Variants in PLPP4 observed in about 807,000 individuals in gnomAD.
The protein encoded by PLPP4 is diacylglycerol pyrophosphate like 2.
PLPP4 carries 20 observed loss-of-function variants against 32.2 expected under a neutral mutation model. The ratio of observed to expected loss-of-function variants is 0.62; its 90% confidence interval spans 0.44 to 0.90. The LOEUF is 0.90. Ranked by LOEUF, PLPP4 falls within the 40% of genes least tolerant of loss-of-function variation. The pLI, the probability that PLPP4 is intolerant of heterozygous loss-of-function variation, is 0.00. For synonymous variants in PLPP4, 127 were observed against 133.0 expected (o/e 0.95, Z 0.31); for missense variants, 257 against 353.1 (o/e 0.73, Z 2.18).
At chr10:120,463,182 A>G (rs1248683062) in intron 1 of PLPP4, among the ~76,000 whole-genome samples, 2 of 151,942 alleles carry the variant, frequency 1.3e-5, no homozygotes, top group East Asian at 3.9e-4. Context: ...GCCCGCCACC[A>G]CGCCTGGCTA....
intron 6 of PLPP4, among the ~76,000 whole-genome samples, chr10:120,577,308 G>C (rs1262386031): frequency 6.6e-6 from 1 of 152,158 alleles, no homozygotes; most frequent in Non-Finnish European, 1.5e-5. Context: ...CTTTATCTTG[G>C]AGTCAATAAG....
At chr10:120,578,549 C>T (rs374086051) in intron 6 of PLPP4, among the ~76,000 whole-genome samples, 32 of 152,176 alleles carry the variant, frequency 2.1e-4, no homozygotes, top group Non-Finnish European at 3.4e-4. Flanking sequence ...TCCAATTACT[C>T]GATTACACAT....
At chr10:120,479,750 A>G (rs757595097) in intron 1 of PLPP4, among the ~76,000 whole-genome samples, 1 of 152,240 alleles carries the variant, frequency 6.6e-6, no homozygotes, top group Non-Finnish European at 1.5e-5. Flanking sequence ...TTCATTCTAA[A>G]ACAAATGCTG....
At chr10:120,458,428 G>A (rs961059052) in intron 1 of PLPP4, among the ~76,000 whole-genome samples, 3 of 152,164 alleles carry the variant, frequency 2.0e-5, no homozygotes, top group South Asian at 4.1e-4. Flanking sequence ...CAAACAGGAG[G>A]CCCTCTTTGA....
At chr10:120,502,971 C>T (rs898887767) in intron 1 of PLPP4, among the ~76,000 whole-genome samples, 6 of 152,182 alleles carry the variant, frequency 3.9e-5, no homozygotes, top group Non-Finnish European at 8.8e-5. Flanking sequence ...TTCAGCCACT[C>T]CTGCCCACAG....
At chr10:120,516,815 C>A (rs1298584430) in intron 3 of PLPP4, among the ~76,000 whole-genome samples, 2 of 152,184 alleles carry the variant, frequency 1.3e-5, no homozygotes, top group East Asian at 1.9e-4. Flanking sequence ...CCAGCACAGC[C>A]TTCTCTGGTA....
In PLPP4 at chr10:120,519,030, T is replaced by C. The variant is rs141427220; in HGVS notation, c.320+134T>C. 5 of 541,824 alleles carry C rather than the reference T, an allele frequency of 9.2e-6. No homozygotes were observed. The Admixed American group carries it at 1.6e-4, about 18-fold the overall frequency. The allele number at this position is 541,824 out of a possible 1,614,324, so 33.6% of individuals were successfully genotyped here. On this transcript the variant is annotated intron_variant, in intron 4 of 6. Transcript: ENST00000398250. ...CCTTAAATTGTTGTCCTTCTGAGATTTCCATCCTTAGCACAGATCTTTCCT... is the reference window on the plus strand; with the variant it reads ...CCTTAAATTGTTGTCCTTCTGAGATCTCCATCCTTAGCACAGATCTTTCCT...
intron 6 of PLPP4, among the ~76,000 whole-genome samples, chr10:120,585,662 G>C (rs1357332395): frequency 6.6e-6 from 1 of 152,222 alleles, no homozygotes; most frequent in African/African-American, 2.4e-5. Context: ...GAGAGGCAAA[G>C]CAACTTGCCC....
At chr10:120,573,681 C>T (rs34203070) in intron 5 of PLPP4, among the ~76,000 whole-genome samples, 17,555 of 152,168 alleles carry the variant, frequency 0.12, 1,704 homozygotes, top group African/African-American at 0.25. Flanking sequence ...ATTTCCCTTA[C>T]ATTTTATATT....
At chr10:120,483,092 T>C (rs1257670893) in intron 1 of PLPP4, among the ~76,000 whole-genome samples, 1 of 152,198 alleles carries the variant, frequency 6.6e-6, no homozygotes, top group East Asian at 1.9e-4. Flanking sequence ...TCAGCCTTCA[T>C]CTTTCTCCCA....
At chr10:120,489,913 A>G (rs1844635218) in intron 1 of PLPP4, among the ~76,000 whole-genome samples, 1 of 152,170 alleles carries the variant, frequency 6.6e-6, no homozygotes, top group Non-Finnish European at 1.5e-5. Flanking sequence ...TTCAACAAAT[A>G]TTTATTGAGC....
chr10:120,457,959 G>T (rs1571103), intron 1 of PLPP4, among the ~76,000 whole-genome samples: 1 of 152,108 alleles, frequency 6.6e-6, no homozygotes, highest in East Asian at 1.9e-4. Context: ...CTCTGTGCCC[G>T]GTCGATGTCC....
chr10:120,542,714 C>T (rs376196620), intron 5 of PLPP4, among the ~76,000 whole-genome samples: 56 of 152,272 alleles, frequency 3.7e-4, no homozygotes, highest in African/African-American at 1.3e-3. Flanking sequence ...ATTCCGCAGG[C>T]GCTGCTGAGT....
At chr10:120,475,816 G>A (rs116922456) in intron 1 of PLPP4, among the ~76,000 whole-genome samples, 2,163 of 152,300 alleles carry the variant, frequency 0.014, 29 homozygotes, top group Non-Finnish European at 0.022. Context: ...ATGTCACAAT[G>A]GGAATAGCTG....
intron 5 of PLPP4, among the ~76,000 whole-genome samples, chr10:120,574,833 C>T (rs1849138272): frequency 6.6e-6 from 1 of 152,234 alleles, no homozygotes; most frequent in African/African-American, 2.4e-5. Flanking sequence ...TCTTTTTATT[C>T]CCCACATCTA....
intron 5 of PLPP4, among the ~76,000 whole-genome samples, chr10:120,572,542 C>G (rs375269517): frequency 6.6e-6 from 1 of 152,250 alleles, no homozygotes; most frequent in Non-Finnish European, 1.5e-5. Flanking sequence ...GGCTGCCTCT[C>G]CCCTGATTCA....
Position 120,569,144 on chromosome 10 carries a change from C to G in PLPP4, c.446-5987C>G, listed in dbSNP as rs934747724. ...ATCCCAGCTACTCAGGAGGCTGAGG[C>G]AGGAGAATCACTTGAATCCGGGAGG... is the stretch of plus-strand genomic sequence containing the variant. On this transcript the variant is annotated intron_variant, in intron 5 of 6. Coordinates refer to ENST00000398250, the MANE Select transcript of PLPP4 (RefSeq NM_001030059.3). Among the ~76,000 whole-genome samples the G allele has an allele frequency of 1.2e-4, 18 of 151,806 alleles. No homozygotes were observed. The East Asian group carries it at 3.1e-3, about 26-fold the overall frequency.
chr10:120,540,797 G>A (rs1847303417), intron 5 of PLPP4, among the ~76,000 whole-genome samples: 1 of 152,146 alleles, frequency 6.6e-6, no homozygotes, highest in South Asian at 2.1e-4. Context: ...GAGAAATCTG[G>A]GACAATTACT....
rs564992438 is a variant in PLPP4, at chr10:120,459,061, C to T, written c.56+1700C>T. ...TTTTCAGGTGTCCCTTCCAATATCC[C>T]CCCCAAATATTTATGAGATGTTTAC... is the stretch of plus-strand genomic sequence containing the variant. On this transcript the variant is annotated intron_variant, in intron 1 of 6. Transcript: ENST00000398250. Among the ~76,000 whole-genome samples, 70 of 152,272 alleles carry T rather than the reference C, an allele frequency of 4.6e-4. 5 individuals are homozygous for T. The South Asian group carries it at 9.7e-3, about 21-fold the overall frequency.
Sources: gnomAD v4.1 joint callset for allele counts (sites outside exome capture counted in the v4.1 genomes callset) on GRCh38, gnomAD v4.1.1 for gene constraint, MANE v1.5 for transcripts, NCBI Gene and HGNC (gene_info 2026-07-23, HGNC 2026-07-21) for gene names.